COL21A1: variants seen among roughly 807,000 people sequenced by gnomAD.
The protein encoded by COL21A1 is collagen type XXI alpha 1 chain.
A neutral mutation model predicts 137.9 loss-of-function variants in COL21A1; 149 were observed. That is an observed-to-expected ratio of 1.08 (90% CI 0.95 to 1.24). The LOEUF is 1.24. Ranked by LOEUF, COL21A1 falls within the 50% of genes most tolerant of loss-of-function variation. The probability of loss-of-function intolerance (pLI) is 0.00; values close to 1 mark genes in which losing one functional copy is unlikely to be tolerated. For missense variants in COL21A1, 1,167 were observed against 1,158.4 expected (o/e 1.01, Z -0.11); for synonymous variants, 456 against 391.5 (o/e 1.16, Z -1.95).
intron 6 of COL21A1, among the ~76,000 whole-genome samples, chr6:56,167,380 G>A (rs1204634706): frequency 1.3e-5 from 2 of 152,114 alleles, no homozygotes; most frequent in African/African-American, 4.8e-5. Context: ...TTTGGTCTTC[G>A]CTATTTAGTT....
At chr6:56,222,059 G>T (rs1325141014) in intron 1 of COL21A1, among the ~76,000 whole-genome samples, 2 of 151,936 alleles carry the variant, frequency 1.3e-5, no homozygotes, top group Non-Finnish European at 2.9e-5. Flanking sequence ...GATTACCTGA[G>T]GTCAGGAATT....
chr6:56,286,631 G>A (rs1300517744), intron 1 of COL21A1, among the ~76,000 whole-genome samples: 1 of 152,116 alleles, frequency 6.6e-6, no homozygotes, highest in African/African-American at 2.4e-5. Context: ...ATGTTTACAC[G>A]GTTTTGTGAA....
intron 1 of COL21A1, among the ~76,000 whole-genome samples, chr6:56,289,975 T>A (rs1267923828): frequency 6.6e-6 from 1 of 151,980 alleles, no homozygotes; most frequent in African/African-American, 2.4e-5. Flanking sequence ...TGATACCTTG[T>A]CCAGCCCACC....
chr6:56,117,801 C>T (rs1037338388), intron 16 of COL21A1, among the ~76,000 whole-genome samples: 1 of 151,730 alleles, frequency 6.6e-6, no homozygotes, highest in Non-Finnish European at 1.5e-5. Flanking sequence ...TATACAAACA[C>T]ATGGAAATTA....
intron 13 of COL21A1, 147 bp from the exon 14 acceptor site, chr6:56,125,767 G>T: frequency 1.7e-6 from 1 of 572,360 alleles, no homozygotes. Context: ...GCTTTAAAAG[G>T]CCCTCATTTC....
In COL21A1 at chr6:56,356,672, G is replaced by A. The variant is rs537088253; in HGVS notation, c.-39+37299C>T. Among the ~76,000 whole-genome samples, 175 of 152,256 alleles carry A rather than the reference G, an allele frequency of 1.1e-3. 1 individual carries two copies. The highest frequency in any genetic ancestry group is 3.9e-3 in the African/African-American group (162 of 41,556). ...AAATTTGTTGACACATTCTTGTTTC[G>A]ATAGGATGAATCTCTTAGCCACCAT... is the stretch of plus-strand genomic sequence containing the variant. On this transcript the variant is annotated intron_variant, in intron 1 of 28. Coordinates refer to the COL21A1 transcript ENST00000370819.
intron 1 of COL21A1, among the ~76,000 whole-genome samples, chr6:56,348,007 C>T (rs1348101275): frequency 6.6e-6 from 1 of 152,178 alleles, no homozygotes; most frequent in East Asian, 1.9e-4. Flanking sequence ...CTATGGCTCA[C>T]ATTACTACAT....
At chr6:56,239,472 C>T (rs543417175) in intron 1 of COL21A1, among the ~76,000 whole-genome samples, 2 of 152,240 alleles carry the variant, frequency 1.3e-5, no homozygotes, top group East Asian at 1.9e-4. Flanking sequence ...CAACTGTTAA[C>T]ATTTTGGGAA....
At chr6:56,095,681 T>C (rs976340942) in intron 17 of COL21A1, among the ~76,000 whole-genome samples, 1 of 152,242 alleles carries the variant, frequency 6.6e-6, no homozygotes, top group Middle Eastern at 3.4e-3. Context: ...GCCTCTATAT[T>C]TTGGAACATG....
At chr6:56,234,287 A>G (rs373356281) in intron 1 of COL21A1, among the ~76,000 whole-genome samples, 5 of 151,970 alleles carry the variant, frequency 3.3e-5, no homozygotes, top group Admixed American at 2.6e-4. Context: ...ATAAAGGGGC[A>G]GAAATATAAT....
At chr6:56,076,095 T>C (rs1201238989) in intron 18 of COL21A1, among the ~76,000 whole-genome samples, 1 of 151,460 alleles carries the variant, frequency 6.6e-6, no homozygotes, top group Non-Finnish European at 1.5e-5. Flanking sequence ...ATTTGAACTA[T>C]ACAGAAACCA....
intron 1 of COL21A1, among the ~76,000 whole-genome samples, chr6:56,348,813 A>G (rs1290339067): frequency 6.6e-6 from 1 of 152,234 alleles, no homozygotes; most frequent in African/African-American, 2.4e-5. Flanking sequence ...TCCCAATCCT[A>G]TATAAGTGGA....
chr6:56,079,214 G>A (rs570157862), intron 17 of COL21A1, among the ~76,000 whole-genome samples: 1 of 151,724 alleles, frequency 6.6e-6, no homozygotes, highest in South Asian at 2.1e-4. Context: ...ATTCTTCTCA[G>A]AAGGAAGGTG....
At chr6:56,063,194 T>A (rs771808657) in intron 24 of COL21A1, among the ~76,000 whole-genome samples, 1 of 152,118 alleles carries the variant, frequency 6.6e-6, no homozygotes, top group Non-Finnish European at 1.5e-5. Flanking sequence ...GCACACACAC[T>A]CTTTTCCTTG....
intron 17 of COL21A1, among the ~76,000 whole-genome samples, chr6:56,087,617 GTGT>G (rs773213252): frequency 9.1e-4 from 138 of 152,140 alleles, no homozygotes; most frequent in Admixed American, 3.0e-3. Flanking sequence ...CTGCCAGCTG[GTGT>G]TTATAGTTTC....
chr6:56,228,791 C>T (rs1449034101), intron 1 of COL21A1, among the ~76,000 whole-genome samples: 2 of 151,558 alleles, frequency 1.3e-5, no homozygotes, highest in African/African-American at 4.8e-5. Flanking sequence ...ATTAAAACTC[C>T]TTGTATGGAA....
intron 12 of COL21A1, among the ~76,000 whole-genome samples, chr6:56,133,429 T>C (rs115395241): frequency 0.067 from 10,146 of 152,194 alleles, 395 homozygotes; most frequent in Admixed American, 0.11. Context: ...TTGGGTGCTG[T>C]TAAAGGCATT....
intron 1 of COL21A1, among the ~76,000 whole-genome samples, chr6:56,261,783 T>G (rs770168290): frequency 2.6e-5 from 4 of 152,198 alleles, no homozygotes; most frequent in Non-Finnish European, 5.9e-5. Context: ...TTGTTCTCAC[T>G]ACACATAGTT....
At chr6:56,165,409 C>G (rs1456162591) in intron 7 of COL21A1, among the ~76,000 whole-genome samples, 1 of 152,100 alleles carries the variant, frequency 6.6e-6, no homozygotes, top group Non-Finnish European at 1.5e-5. Context: ...GACATTAAAA[C>G]ATAAAGTGGA....
Sources: allele counts gnomAD v4.1 joint callset (sites outside exome capture counted in the v4.1 genomes callset), GRCh38; gene constraint gnomAD v4.1.1; transcripts MANE v1.5; gene names NCBI Gene and HGNC (gene_info 2026-07-23, HGNC 2026-07-21).